SEC24D: variants seen among roughly 807,000 people sequenced by gnomAD.
SEC24D encodes the protein protein transport protein Sec24D.
SEC24D carries 69 observed loss-of-function variants against 116.9 expected under a neutral mutation model. The observed-to-expected ratio is 0.59, with a 90% CI of 0.49 to 0.72. SEC24D has a LOEUF of 0.72. Ranked by LOEUF, SEC24D falls within the 30% of genes least tolerant of loss-of-function variation. The probability of loss-of-function intolerance (pLI) is 0.00; values close to 1 mark genes in which losing one functional copy is unlikely to be tolerated. For missense variants in SEC24D, 1,131 were observed against 1,264.1 expected, an observed-to-expected ratio of 0.89 and a Z score of 1.60; for synonymous variants, 405 against 442.8, an observed-to-expected ratio of 0.91 and a Z score of 1.07.
At chr4:118,833,883 A>G (rs1285654948) in intron 1 of SEC24D, 146 bp from the exon 2 acceptor site, 1 of 516,840 alleles carries the variant, frequency 1.9e-6, no homozygotes, top group East Asian at 3.4e-5. Context: ...GTATTATACA[A>G]TATATCATTA....
intron 5 of SEC24D, 118 bp downstream of exon 5, chr4:118,815,333 A>C: frequency 1.1e-5 from 16 of 1,421,188 alleles, no homozygotes; most frequent in Non-Finnish European, 1.5e-5. Context: ...ACTCTTCAAA[A>C]ACTACCATTT....
intron 10 of SEC24D, among the ~76,000 whole-genome samples, chr4:118,760,000 G>A (rs1032655437): frequency 1.3e-5 from 2 of 152,088 alleles, no homozygotes; most frequent in African/African-American, 4.8e-5. Context: ...AAAAAAACAC[G>A]ATAAGCTAAA....
In SEC24D at chr4:118,815,459, G is replaced by A. The variant is rs138326987; in HGVS notation, c.665C>T (p.Pro222Leu). The A allele has an allele frequency of 4.3e-5, 70 of 1,614,036 alleles. No homozygotes were observed. Among genetic ancestry groups the A allele is most frequent in the South Asian group, 1.6e-4 (15 of 91,080 alleles). ...PGQTLGAGYP[P>L]QQANSGPQMA... Reference sequence around the variant, plus strand: ...CACCCTGTCCGCCTTACCCTGCTGCGGAGGATATCCAGCACCCAAGGTCTG... The same window carrying A: ...CACCCTGTCCGCCTTACCCTGCTGCAGAGGATATCCAGCACCCAAGGTCTG... Residue 222 changes from proline to leucine, a missense_variant, in exon 5 of 23, where the codon CCG becomes CTG. Pro to Leu is a moderately conservative substitution (Grantham distance 98). Coordinates refer to ENST00000280551, the MANE Select transcript of SEC24D (RefSeq NM_014822.4).
At position 118,797,791 on chromosome 4, in the gene SEC24D, G is replaced by A. The variant is rs1404583796; in HGVS notation, c.933C>T (p.Phe311=). Residue 311 remains phenylalanine, a synonymous_variant, in exon 8 of 23, where the codon TTC becomes TTT. Coordinates refer to ENST00000280551, the MANE Select transcript of SEC24D (RefSeq NM_014822.4). ...GAAAACAGTATGTTGTACAACGGAT[G>A]AATCGAGGACTGGCATTTCCTGAAA... is the stretch of plus-strand genomic sequence containing the variant. ...IQDQGNASPR[F]IRCTTYCFPC... is the part of the protein sequence containing the mutation. 6.2e-7 allele frequency: 1 copy of A among 1,603,952 alleles called. No individual in the cohort carries two copies. Among genetic ancestry groups the A allele is most frequent in the African/African-American group, 1.3e-5 (1 of 74,824 alleles).
At chr4:118,809,671 T>A (rs1165552133) in intron 6 of SEC24D, among the ~76,000 whole-genome samples, 1 of 151,956 alleles carries the variant, frequency 6.6e-6, no homozygotes, top group Non-Finnish European at 1.5e-5. Flanking sequence ...ATTCATCCAT[T>A]CAAGGAATAT....
intron 8 of SEC24D, among the ~76,000 whole-genome samples, chr4:118,792,174 C>T (rs893118796): frequency 3.9e-5 from 6 of 151,988 alleles, no homozygotes; most frequent in African/African-American, 1.4e-4. Flanking sequence ...TCTGCCCCGC[C>T]GCCACCCCGT....
At chr4:118,823,317 C>A (rs114796605) in intron 3 of SEC24D, among the ~76,000 whole-genome samples, 6,658 of 152,260 alleles carry the variant, frequency 0.044, 202 homozygotes, top group Non-Finnish European at 0.064. Context: ...CAAACAAGAG[C>A]CAGCCAGTGC....
chr4:118,759,989 T>C (rs1401651569), intron 10 of SEC24D, among the ~76,000 whole-genome samples: 1 of 152,130 alleles, frequency 6.6e-6, no homozygotes, highest in Non-Finnish European at 1.5e-5. Context: ...AAGAAACTTA[T>C]AAAAAAACAC....
intron 19 of SEC24D, chr4:118,736,365 T>C (rs1485948610): frequency 1.2e-5 from 2 of 160,344 alleles, no homozygotes; most frequent in African/African-American, 4.8e-5. Context: ...TTAGATTTTG[T>C]ACCCTAATTG....
intron 13 of SEC24D, among the ~76,000 whole-genome samples, chr4:118,750,631 A>G (rs1726776252): frequency 1.3e-5 from 2 of 152,192 alleles, no homozygotes; most frequent in Admixed American, 6.5e-5. Flanking sequence ...GAACATTTAC[A>G]TATGGATTTC....
At chr4:118,820,552 C>T (rs1455033554) in intron 3 of SEC24D, among the ~76,000 whole-genome samples, 1 of 152,138 alleles carries the variant, frequency 6.6e-6, no homozygotes. Context: ...GAATCCAGGT[C>T]CTCCTGCCCT....
intron 8 of SEC24D, among the ~76,000 whole-genome samples, chr4:118,773,724 A>G (rs1260544732): frequency 6.6e-6 from 1 of 152,206 alleles, no homozygotes; most frequent in African/African-American, 2.4e-5. Context: ...GCGAAAAGGA[A>G]AAGAGTCTGT....
chr4:118,761,051 G>T (rs898418219), intron 10 of SEC24D, among the ~76,000 whole-genome samples: 1 of 151,842 alleles, frequency 6.6e-6, no homozygotes, highest in Non-Finnish European at 1.5e-5. Flanking sequence ...GGGAATTATC[G>T]TACTACCCTC....
intron 8 of SEC24D, among the ~76,000 whole-genome samples, chr4:118,779,313 G>A (rs1443952016): frequency 1.3e-5 from 2 of 152,154 alleles, no homozygotes; most frequent in Non-Finnish European, 2.9e-5. Context: ...TTAGCATGAA[G>A]GGTTGTTGAA....
At chr4:118,816,849 A>G in intron 4 of SEC24D, 1 of 454,758 alleles carries the variant, frequency 2.2e-6, no homozygotes. Context: ...TCTTTCCATG[A>G]TCTAAACACA....
chr4:118,786,043 G>A (rs1728654622), intron 8 of SEC24D, among the ~76,000 whole-genome samples: 1 of 152,140 alleles, frequency 6.6e-6, no homozygotes, highest in African/African-American at 2.4e-5. Context: ...GGATGTTATT[G>A]TAATTTTACT....
intron 13 of SEC24D, among the ~76,000 whole-genome samples, chr4:118,748,274 A>G (rs1726646304): frequency 6.6e-6 from 1 of 152,092 alleles, no homozygotes; most frequent in South Asian, 2.1e-4. Flanking sequence ...TCAAAAAAAC[A>G]AGAAAATTAC....
chr4:118,740,910 A>G, intron 16 of SEC24D, 31 bp downstream of exon 16: 2 of 1,584,076 alleles, frequency 1.3e-6, no homozygotes, highest in Non-Finnish European at 1.7e-6. Context: ...TATTCAAGAG[A>G]GACCCGAAGA....
chr4:118,806,423 C>T (rs1432004294), intron 6 of SEC24D, among the ~76,000 whole-genome samples: 7 of 151,922 alleles, frequency 4.6e-5, no homozygotes, highest in Admixed American at 4.6e-4. Flanking sequence ...GCAGCCTTCA[C>T]CTCCCTGACT....
Sources: allele counts gnomAD v4.1 joint callset (sites outside exome capture counted in the v4.1 genomes callset), GRCh38; gene constraint gnomAD v4.1.1; transcripts MANE v1.5; gene names NCBI Gene and HGNC (gene_info 2026-07-23, HGNC 2026-07-21).